SLC15A1: variants seen among roughly 807,000 people sequenced by gnomAD.
The protein encoded by SLC15A1 is solute carrier family 15 member 1.
A neutral mutation model predicts 92.9 loss-of-function variants in SLC15A1; 83 were observed. The ratio of observed to expected loss-of-function variants is 0.89; its 90% CI spans 0.75 to 1.07. The LOEUF is 1.07. Ranked by LOEUF, SLC15A1 falls within the 50% of genes least tolerant of loss-of-function variation. SLC15A1 has a pLI of 0.00. For synonymous variants in SLC15A1, 322 were observed against 318.2 expected (o/e 1.01, Z -0.13); for missense variants, 857 against 880.1 (o/e 0.97, Z 0.33).
intron 9 of SLC15A1, among the ~76,000 whole-genome samples, chr13:98,714,262 G>T (rs1430518405): frequency 2.0e-5 from 3 of 152,094 alleles, no homozygotes; most frequent in African/African-American, 7.2e-5. Context: ...GGTGGGAACA[G>T]TTCTAATGTG....
At chr13:98,734,316 A>C (rs1184472880) in intron 1 of SLC15A1, among the ~76,000 whole-genome samples, 1 of 152,204 alleles carries the variant, frequency 6.6e-6, no homozygotes, top group Non-Finnish European at 1.5e-5. Context: ...CCCCTTTCCA[A>C]GATGGCCAAA....
chr13:98,698,537 G>A (rs2088041358), intron 18 of SLC15A1, among the ~76,000 whole-genome samples: 1 of 152,140 alleles, frequency 6.6e-6, no homozygotes, highest in African/African-American at 2.4e-5. Flanking sequence ...CTCCACAAAT[G>A]TTCAAGCATT....
chr13:98,725,712 A>G (rs1190057836), intron 4 of SLC15A1, among the ~76,000 whole-genome samples: 3 of 151,976 alleles, frequency 2.0e-5, no homozygotes, highest in African/African-American at 2.4e-5. Flanking sequence ...ATGCTCTCCT[A>G]AGGGTTTGTT....
intron 19 of SLC15A1, 48 bp from the exon 20 acceptor site, chr13:98,688,404 T>A (rs932756061): frequency 6.2e-7 from 1 of 1,604,058 alleles, no homozygotes; most frequent in African/African-American, 1.3e-5. Context: ...GCATTAAAAA[T>A]TTCAATGCAT....
rs2088166845 is a variant in SLC15A1 at position 98,711,944 on chromosome 13, C to T, written c.811-1G>A. ...TCTTAATTTGGGAGATGAGCCGCTC[C>T]TGTAGTTGGAGTGGGGAAGGGACAA... On this transcript the variant is annotated splice_acceptor_variant, in intron 10 of 22. Coordinates refer to ENST00000376503, the MANE Select transcript of SLC15A1 (RefSeq NM_005073.4). LOFTEE classifies it high-confidence loss of function. 1.9e-6 allele frequency: 3 copies of T among 1,611,034 alleles called. No individual in the cohort carries two copies. Among genetic ancestry groups the T allele is most frequent in the Non-Finnish European group, 2.5e-6 (3 of 1,178,850 alleles).
At chr13:98,711,996 A>G in intron 10 of SLC15A1, 53 bp from the exon 11 acceptor site, 1 of 1,334,990 alleles carries the variant, frequency 7.5e-7, no homozygotes, top group Non-Finnish European at 1.1e-6. Context: ...GTCCTGTGCC[A>G]CTCACGGCTT....
intron 1 of SLC15A1, among the ~76,000 whole-genome samples, chr13:98,730,467 G>T (rs2088341368): frequency 6.6e-6 from 1 of 152,180 alleles, no homozygotes; most frequent in Non-Finnish European, 1.5e-5. Flanking sequence ...TCGTGGGATG[G>T]GGCTGCTTCC....
intron 18 of SLC15A1, among the ~76,000 whole-genome samples, chr13:98,694,868 A>G (rs534195841): frequency 6.6e-6 from 1 of 152,100 alleles, no homozygotes; most frequent in South Asian, 2.1e-4. Context: ...CTACTAAAAT[A>G]CAAAAAAAGA....
intron 6 of SLC15A1, 52 bp from the exon 7 acceptor site, chr13:98,721,637 A>G (rs2088259332): frequency 7.4e-7 from 1 of 1,355,912 alleles, no homozygotes; most frequent in East Asian, 2.3e-5. Context: ...TCCACTGAGC[A>G]CAGGGAGCTG....
At chr13:98,707,895 A>T (rs1186453136) in intron 15 of SLC15A1, among the ~76,000 whole-genome samples, 8,270 of 55,082 alleles carry the variant, frequency 0.15, 418 homozygotes, top group Admixed American at 0.21. Context: ...CCTGTTTAAA[A>T]AAAAAAAAAA....
At chr13:98,739,450 C>T (rs2088422363) in intron 1 of SLC15A1, among the ~76,000 whole-genome samples, 1 of 152,174 alleles carries the variant, frequency 6.6e-6, no homozygotes, top group Admixed American at 6.5e-5. Flanking sequence ...TGGGGGAGGA[C>T]ACTGGATCAT....
intron 8 of SLC15A1, among the ~76,000 whole-genome samples, chr13:98,717,805 T>G (rs746773480): frequency 2.0e-5 from 3 of 152,168 alleles, no homozygotes; most frequent in Admixed American, 1.3e-4. Flanking sequence ...GACGTGATTG[T>G]CAGCTGAGCA....
At chr13:98,745,717 G>A (rs1361428950) in intron 1 of SLC15A1, among the ~76,000 whole-genome samples, 2 of 152,184 alleles carry the variant, frequency 1.3e-5, no homozygotes, top group Non-Finnish European at 1.5e-5. Flanking sequence ...TTGACTCTGG[G>A]CTCCCAGCCT....
intron 18 of SLC15A1, among the ~76,000 whole-genome samples, chr13:98,695,016 G>GT: frequency 1.3e-5 from 1 of 75,016 alleles, no homozygotes; most frequent in East Asian, 3.0e-4. Context: ...GTGAGACTCC[G>GT]TCTCAAAAAA....
intron 18 of SLC15A1, among the ~76,000 whole-genome samples, chr13:98,691,284 A>T (rs1460814282): frequency 6.6e-6 from 1 of 151,902 alleles, no homozygotes; most frequent in East Asian, 1.9e-4. Flanking sequence ...TGACCTGCCC[A>T]CCTCGGCCTC....
At chr13:98,743,450 CCTT>C (rs2088465479) in intron 1 of SLC15A1, among the ~76,000 whole-genome samples, 2 of 152,214 alleles carry the variant, frequency 1.3e-5, no homozygotes, top group Non-Finnish European at 2.9e-5. Flanking sequence ...TTCCTGTCCT[CCTT>C]CAGGAAGAAA....
chr13:98,744,945 G>A (rs2088481144), intron 1 of SLC15A1, among the ~76,000 whole-genome samples: 1 of 151,964 alleles, frequency 6.6e-6, no homozygotes. Flanking sequence ...AATGTCAGGT[G>A]ACTTATTTTT....
intron 1 of SLC15A1, among the ~76,000 whole-genome samples, chr13:98,737,363 G>A (rs915972959): frequency 6.6e-6 from 1 of 152,078 alleles, no homozygotes; most frequent in African/African-American, 2.4e-5. Context: ...AGTTTGGGGA[G>A]GTATAGCATT....
intron 1 of SLC15A1, among the ~76,000 whole-genome samples, chr13:98,752,092 C>T (rs1382374804): frequency 2.0e-5 from 3 of 152,238 alleles, no homozygotes; most frequent in African/African-American, 7.2e-5. Context: ...CAAATTAAGC[C>T]AGGGGACAGT....
Sources: allele counts gnomAD v4.1 joint callset (sites outside exome capture counted in the v4.1 genomes callset), GRCh38; gene constraint gnomAD v4.1.1; transcripts MANE v1.5; gene names NCBI Gene and HGNC (gene_info 2026-07-23, HGNC 2026-07-21).